SLC39A11: variants seen among roughly 807,000 people sequenced by gnomAD.
SLC39A11 encodes zinc transporter ZIP11.
Under a neutral mutation model 36.1 loss-of-function variants are expected in SLC39A11, and 33 were observed. That is an observed-to-expected ratio of 0.91 (90% CI 0.69 to 1.22). The LOEUF (loss-of-function observed/expected upper bound fraction) is 1.22, where lower values mean the gene tolerates loss of function less well. Ranked by LOEUF, SLC39A11 falls within the 50% of genes most tolerant of loss-of-function variation. The pLI, the probability that SLC39A11 is intolerant of heterozygous loss-of-function variation, is 0.00. For synonymous variants in SLC39A11, 166 were observed against 170.3 expected, an observed-to-expected ratio of 0.97 and a Z score of 0.20; for missense variants, 432 against 430.3, an observed-to-expected ratio of 1.00 and a Z score of -0.03.
chr17:72,729,461 T>A (rs1213615177), intron 7 of SLC39A11, among the ~76,000 whole-genome samples: 31 of 31,996 alleles, frequency 9.7e-4, no homozygotes, highest in Non-Finnish European at 1.7e-3. Context: ...ATATATATTT[T>A]TTTTTTTTTT....
chr17:72,873,473 A>G lies in SLC39A11; in HGVS notation c.431-23669T>C, dbSNP rs144419446. On this transcript the variant is annotated intron_variant, in intron 5 of 9. Coordinates refer to ENST00000255559, the MANE Select transcript of SLC39A11 (RefSeq NM_139177.4). ...CCATCCTTCCAACTTGGCTGGCCCT[A>G]TAATTATCAAACTCTTTCTCTTCTG... Among the ~76,000 whole-genome samples, 498 of 152,286 alleles carry G rather than the reference A, an allele frequency of 3.3e-3. 4 individuals carry two copies. Among genetic ancestry groups the G allele is most frequent in the African/African-American group, 0.011 (475 of 41,542 alleles).
At chr17:73,085,012 A>G (rs1325616254) in intron 2 of SLC39A11, among the ~76,000 whole-genome samples, 166 bp from the exon 3 acceptor site, 1 of 152,186 alleles carries the variant, frequency 6.6e-6, no homozygotes, top group Non-Finnish European at 1.5e-5. Flanking sequence ...CCACGGGGAA[A>G]GTCTTTGGTT....
chr17:72,683,407 C>CACA (rs1257235554), intron 7 of SLC39A11, among the ~76,000 whole-genome samples: 10 of 150,352 alleles, frequency 6.7e-5, no homozygotes, highest in African/African-American at 2.5e-4. Context: ...ACAGTCACGG[C>CACA]TCACTGCAGC....
At chr17:72,942,802 A>C (rs1373595232) in intron 5 of SLC39A11, among the ~76,000 whole-genome samples, 1 of 152,180 alleles carries the variant, frequency 6.6e-6, no homozygotes, top group Admixed American at 6.5e-5. Flanking sequence ...ATTGCATCCC[A>C]CACTGCCTGG....
chr17:72,805,893 C>A (rs1211978560), intron 6 of SLC39A11, among the ~76,000 whole-genome samples: 1 of 151,982 alleles, frequency 6.6e-6, no homozygotes, highest in Non-Finnish European at 1.5e-5. Flanking sequence ...GGACTACAGG[C>A]ACCTGCCACC....
At chr17:72,986,784 G>C (rs1013631955) in intron 4 of SLC39A11, among the ~76,000 whole-genome samples, 1 of 152,214 alleles carries the variant, frequency 6.6e-6, no homozygotes, top group Non-Finnish European at 1.5e-5. Context: ...CAAGCACTTT[G>C]GGAGGCTGAG....
intron 6 of SLC39A11, among the ~76,000 whole-genome samples, chr17:72,748,383 T>C (rs1443770446): frequency 3.3e-5 from 5 of 152,140 alleles, no homozygotes; most frequent in Non-Finnish European, 5.9e-5. Context: ...ATATTGACAA[T>C]TGAAGATACT....
At chr17:72,698,869 C>T (rs974682760) in intron 7 of SLC39A11, among the ~76,000 whole-genome samples, 1 of 152,052 alleles carries the variant, frequency 6.6e-6, no homozygotes, top group South Asian at 2.1e-4. Flanking sequence ...CTCGCTCTGT[C>T]GCCCAGGCTG....
chr17:72,809,657 C>T (rs1433259124), intron 6 of SLC39A11, among the ~76,000 whole-genome samples: 2 of 152,164 alleles, frequency 1.3e-5, no homozygotes, highest in Non-Finnish European at 2.9e-5. Context: ...GAGACTCTTA[C>T]TTTCATTTTA....
chr17:72,777,068 A>G (rs1166214840), intron 6 of SLC39A11, among the ~76,000 whole-genome samples: 1 of 152,160 alleles, frequency 6.6e-6, no homozygotes, highest in Non-Finnish European at 1.5e-5. Flanking sequence ...CGTAAACTGC[A>G]CTGTTATCAT....
chr17:72,925,025 A>G (rs2083957556), intron 5 of SLC39A11, among the ~76,000 whole-genome samples: 1 of 147,534 alleles, frequency 6.8e-6, no homozygotes, highest in African/African-American at 2.6e-5. Context: ...AAAAAAAGCC[A>G]TAGAGAACAA....
At chr17:72,659,574 C>CTTG (rs2070314044) in intron 7 of SLC39A11, among the ~76,000 whole-genome samples, 1 of 61,174 alleles carries the variant, frequency 1.6e-5, no homozygotes, top group Admixed American at 2.9e-4. Flanking sequence ...CTCTGTGACT[C>CTTG]TTTTTTTTTT....
In SLC39A11 at chr17:72,672,204, T is replaced by G. The variant is rs537451283; in HGVS notation, c.672-22936A>C. Among the ~76,000 whole-genome samples, 3 of 152,322 alleles carry G rather than the reference T, an allele frequency of 2.0e-5. No individual in the cohort carries two copies. The South Asian group carries it at 6.2e-4, about 32-fold the overall frequency. ...TGGCTCATGCCTATAATCTCAGCAC[T>G]CTGGGAGGCTGAGGTGGGTGGATCA... On this transcript the variant is annotated intron_variant, in intron 7 of 9. Transcript: ENST00000255559.
At chr17:73,039,847 C>T (rs2059052082) in intron 3 of SLC39A11, among the ~76,000 whole-genome samples, 1 of 152,156 alleles carries the variant, frequency 6.6e-6, no homozygotes, top group Non-Finnish European at 1.5e-5. Context: ...AAAAGGCTGA[C>T]ACCAAAGAGA....
chr17:73,005,907 C>T (rs2090151067), intron 4 of SLC39A11, among the ~76,000 whole-genome samples: 1 of 152,098 alleles, frequency 6.6e-6, no homozygotes, highest in African/African-American at 2.4e-5. Flanking sequence ...GCCGAGATCA[C>T]ACCACTGCAC....
rs74920703 is a variant in SLC39A11 at position 72,650,779 on chromosome 17, T to C, written c.672-1511A>G. 7.6e-3 allele frequency among the ~76,000 whole-genome samples: 1,163 copies of C among 152,246 alleles called. 11 individuals carry two copies. Among genetic ancestry groups the C allele is most frequent in the African/African-American group, 0.026 (1,100 of 41,544 alleles). The stretch of plus-strand genomic sequence containing the variant: ...ATCCATCTTGCTGCCAATAGGAATC[T>C]ACCCATTGCTGCAAGGGAGTGTTGT... On this transcript the variant is annotated intron_variant, in intron 7 of 9. Transcript: ENST00000255559.
In SLC39A11 at chr17:72,941,566, T is replaced by TC. The variant is rs915333722; in HGVS notation, c.430+6185_430+6186insG. ...GAAAATCAGGACTGTGTTTTTTTTT[T>TC]TTTTTAAAAGGCAGAAGCAGATAAA... On this transcript the variant is annotated intron_variant, in intron 5 of 9. Transcript: ENST00000255559. Among the ~76,000 whole-genome samples, 13 of 151,814 alleles carry TC rather than the reference T, an allele frequency of 8.6e-5. 1 individual carries two copies. The highest frequency in any genetic ancestry group is 6.6e-4 in the Admixed American group (10 of 15,234).
At chr17:72,843,183 C>T (rs2078896887) in intron 6 of SLC39A11, among the ~76,000 whole-genome samples, 1 of 151,980 alleles carries the variant, frequency 6.6e-6, no homozygotes, top group Non-Finnish European at 1.5e-5. Context: ...CTCCTGACCT[C>T]GTGATCTGCC....
chr17:72,866,502 C>G (rs764807020), intron 5 of SLC39A11, among the ~76,000 whole-genome samples: 1 of 152,030 alleles, frequency 6.6e-6, no homozygotes, highest in Non-Finnish European at 1.5e-5. Context: ...TTGTTTTCCA[C>G]GAGACAAGTG....
Sources: gnomAD v4.1 joint callset for allele counts (sites outside exome capture counted in the v4.1 genomes callset) on GRCh38, gnomAD v4.1.1 for gene constraint, MANE v1.5 for transcripts, NCBI Gene and HGNC (gene_info 2026-07-23, HGNC 2026-07-21) for gene names.